Variants in BRK1 observed in about 807,000 individuals in gnomAD.
The protein encoded by BRK1 is BRICK1 subunit of SCAR/WAVE actin nucleating complex, also known as protein BRICK1.
Under a neutral mutation model 9.9 loss-of-function variants are expected in BRK1, and 6 were observed. That is an observed-to-expected ratio of 0.60 (90% CI 0.33 to 1.19). The LOEUF is 1.19. Ranked by LOEUF, BRK1 falls within the 50% of genes most tolerant of loss-of-function variation. The pLI, the probability that BRK1 is intolerant of heterozygous loss-of-function variation, is 0.04. For synonymous variants in BRK1, 44 were observed against 31.9 expected (o/e 1.38, Z -1.28); for missense variants, 62 against 97.5 (o/e 0.64, Z 1.53).
At chr3:10,124,956 C>T (rs1695816662) in intron 1 of BRK1, among the ~76,000 whole-genome samples, 1 of 152,152 alleles carries the variant, frequency 6.6e-6, no homozygotes, top group South Asian at 2.1e-4. Flanking sequence ...CTATGCCTTT[C>T]TCACCTACAT....
intron 1 of BRK1, among the ~76,000 whole-genome samples, chr3:10,119,073 C>T (rs1005722374): frequency 6.7e-6 from 1 of 149,974 alleles, no homozygotes; most frequent in African/African-American, 2.5e-5. Context: ...GTGGTGCGAT[C>T]TCGGCTCACT....
chr3:10,123,834 C>T (rs1339217472), intron 1 of BRK1, among the ~76,000 whole-genome samples: 3 of 135,860 alleles, frequency 2.2e-5, no homozygotes, highest in African/African-American at 8.2e-5. Context: ...CTCCCAGGTT[C>T]AAGTGATTCT....
rs142501970 is a variant in BRK1 at position 10,126,481 on chromosome 3, G to T, written c.*186G>T. 3.2e-3 allele frequency: 1,584 copies of T among 500,694 alleles called. 23 individuals carry two copies. Among genetic ancestry groups the T allele is most frequent in the African/African-American group, 0.028 (1,417 of 50,888 alleles). The allele number at this position is 500,694 out of a possible 1,614,324, so 31.0% of individuals were successfully genotyped here. ...GGTGTGGTGTGGTATGTGGGAAGAA[G>T]TTCAGAGGAACCGTTGGAAACGACG... On this transcript the variant is annotated 3_prime_UTR_variant, in exon 3 of 3. Transcript: ENST00000530758.
chr3:10,125,481 A>T, intron 1 of BRK1, 145 bp from the exon 2 acceptor site: 2 of 556,238 alleles, frequency 3.6e-6, no homozygotes, highest in Non-Finnish European at 6.5e-6. Flanking sequence ...CACTCTAAGC[A>T]ACTGTGCTAT....
intron 2 of BRK1, 72 bp downstream of exon 2, chr3:10,125,780 C>G: frequency 8.7e-7 from 1 of 1,143,760 alleles, no homozygotes; most frequent in Non-Finnish European, 1.3e-6. Flanking sequence ...AACCTGAAAG[C>G]AGAAACAGTC....
At position 10,122,596 on chromosome 3, in the gene BRK1, T is replaced by C. The variant is rs62245550; in HGVS notation, c.119-3030T>C. ...GGCACAGTGGCATCCACCTACTGAGTAGTAATTGCAGCTACTCGGGAGGCT... is the reference window on the plus strand; with the variant it reads ...GGCACAGTGGCATCCACCTACTGAGCAGTAATTGCAGCTACTCGGGAGGCT... On this transcript the variant is annotated intron_variant, in intron 1 of 2. Transcript: ENST00000530758. 0.048 allele frequency among the ~76,000 whole-genome samples: 7,240 copies of C among 151,564 alleles called. 214 individuals are homozygous for C. The highest frequency in any genetic ancestry group is 0.071 in the Non-Finnish European group (4,801 of 67,896).
intron 1 of BRK1, among the ~76,000 whole-genome samples, chr3:10,124,686 C>T (rs1341022572): frequency 6.6e-6 from 1 of 152,022 alleles, no homozygotes; most frequent in Admixed American, 6.6e-5. Context: ...GGACTGCCTT[C>T]CTTTCTGGAG....
chr3:10,119,670 G>A (rs1304284616), intron 1 of BRK1, among the ~76,000 whole-genome samples: 3 of 152,118 alleles, frequency 2.0e-5, no homozygotes, highest in Non-Finnish European at 4.4e-5. Context: ...GTGAACTTGA[G>A]GACATACAAA....
intron 1 of BRK1, among the ~76,000 whole-genome samples, chr3:10,120,958 G>A (rs576442964): frequency 1.3e-5 from 2 of 152,244 alleles, no homozygotes; most frequent in South Asian, 4.1e-4. Flanking sequence ...CATACATAAC[G>A]TGCTTTCAGA....
chr3:10,125,109 G>A (rs537411477), intron 1 of BRK1, among the ~76,000 whole-genome samples: 46 of 152,128 alleles, frequency 3.0e-4, no homozygotes, highest in African/African-American at 1.1e-3. Flanking sequence ...ATTAGAGAAA[G>A]GACTTTTTTT....
intron 1 of BRK1, among the ~76,000 whole-genome samples, chr3:10,122,717 T>C (rs774520511): frequency 2.0e-5 from 3 of 151,794 alleles, no homozygotes; most frequent in Admixed American, 6.6e-5. Context: ...CAAGACCATG[T>C]CTCTTTTAAA....
intron 1 of BRK1, among the ~76,000 whole-genome samples, chr3:10,117,611 G>A (rs141977884): frequency 0.018 from 2,665 of 151,816 alleles, 34 homozygotes; most frequent in Non-Finnish European, 0.029. Context: ...TGCCCAGGCT[G>A]GTCTCAAACT....
intron 1 of BRK1, among the ~76,000 whole-genome samples, chr3:10,120,905 A>G (rs188395265): frequency 9.4e-4 from 143 of 152,310 alleles, no homozygotes; most frequent in Middle Eastern, 3.4e-3. Context: ...TTCATGGGAA[A>G]TGGCAGGTTG....
At chr3:10,116,788 G>A (rs1695692403) in intron 1 of BRK1, among the ~76,000 whole-genome samples, 1 of 152,208 alleles carries the variant, frequency 6.6e-6, no homozygotes. Context: ...AGATGCTAGA[G>A]CTCCATATGA....
chr3:10,126,411 G>T lies in BRK1; in HGVS notation c.*116G>T. The T allele has an allele frequency of 1.0e-6, 1 of 977,954 alleles. No homozygotes were observed. Among genetic ancestry groups the T allele is most frequent in the Non-Finnish European group, 1.5e-6 (1 of 653,882 alleles). The allele number at this position is 977,954 out of a possible 1,614,324, so 60.6% of individuals were successfully genotyped here. A position where few individuals can be genotyped will look rare whatever the true frequency, so the allele number is the denominator to read the frequency against. The stretch of plus-strand genomic sequence containing the variant: ...TTAAAGAGCAACAGGGCTTATTCTT[G>T]TTTTTCTTTTTTCAAAAGTGTGGCC... On this transcript the variant is annotated 3_prime_UTR_variant, in exon 3 of 3. Transcript: ENST00000530758.
intron 2 of BRK1, among the ~76,000 whole-genome samples, chr3:10,125,966 C>T (rs979974499): frequency 1.3e-5 from 2 of 152,130 alleles, no homozygotes; most frequent in African/African-American, 4.8e-5. Context: ...TGGCTCACAC[C>T]TGTTGTCCCA....
chr3:10,125,274 T>C lies in BRK1; in HGVS notation c.119-352T>C, dbSNP rs377622069. Among the ~76,000 whole-genome samples the C allele has an allele frequency of 7.2e-5, 11 of 152,242 alleles. 1 individual carries two copies. In the East Asian group the frequency reaches 9.7e-4, roughly 13 times the overall value. On this transcript the variant is annotated intron_variant, in intron 1 of 2. Transcript: ENST00000530758. ...ATGTGCCATCATGCCTGGCTAATTT[T>C]TGTATTTTTAGTAAGAGACAGGGTT...
chr3:10,121,472 A>T (rs550966224), intron 1 of BRK1, among the ~76,000 whole-genome samples: 1 of 152,214 alleles, frequency 6.6e-6, no homozygotes, highest in East Asian at 1.9e-4. Flanking sequence ...CCTAGACCTC[A>T]GTTTTCCCAC....
intron 1 of BRK1, among the ~76,000 whole-genome samples, chr3:10,124,426 C>G (rs541993072): frequency 1.3e-5 from 2 of 151,722 alleles, no homozygotes; most frequent in Non-Finnish European, 2.9e-5. Flanking sequence ...CGTCACTGCA[C>G]TCCAGCCTGG....
Sources: gnomAD v4.1 joint callset for allele counts (sites outside exome capture counted in the v4.1 genomes callset) on GRCh38, gnomAD v4.1.1 for gene constraint, MANE v1.5 for transcripts, NCBI Gene and HGNC (gene_info 2026-07-23, HGNC 2026-07-21) for gene names.